DHX15: variants seen among roughly 807,000 people sequenced by gnomAD.
The protein encoded by DHX15 is DEAH-box helicase 15.
Under a neutral mutation model 94.4 loss-of-function variants are expected in DHX15, and 11 were observed. The observed-to-expected ratio is 0.12, with a 90% confidence interval of 0.07 to 0.19. DHX15 has a LOEUF of 0.19. Ranked by LOEUF, DHX15 falls within the 10% of genes least tolerant of loss-of-function variation. The probability of loss-of-function intolerance (pLI) is 1.00; values close to 1 mark genes in which losing one functional copy is unlikely to be tolerated. For synonymous variants in DHX15, 338 were observed against 329.9 expected, an observed-to-expected ratio of 1.02 and a Z score of -0.27; for missense variants, 304 against 988.5, an observed-to-expected ratio of 0.31 and a Z score of 9.29.
At chr4:24,577,906 C>T (rs148006607) in intron 1 of DHX15, among the ~76,000 whole-genome samples, 1 of 152,260 alleles carries the variant, frequency 6.6e-6, no homozygotes, top group Non-Finnish European at 1.5e-5. Context: ...TGAGACATGA[C>T]GGAGCTATGA....
chr4:24,582,794 T>A (rs1722446446), intron 1 of DHX15, among the ~76,000 whole-genome samples: 1 of 152,190 alleles, frequency 6.6e-6, no homozygotes, highest in South Asian at 2.1e-4. Flanking sequence ...TGCTTCCAGC[T>A]CTGAGTCTGT....
intron 6 of DHX15, among the ~76,000 whole-genome samples, chr4:24,543,770 A>G (rs1277151662): frequency 1.3e-5 from 2 of 152,166 alleles, no homozygotes; most frequent in Non-Finnish European, 2.9e-5. Context: ...CATGTTACAT[A>G]TAATTTTTTT....
Position 24,571,260 on chromosome 4 carries a change from CTTTTA to C in DHX15, c.508-418_508-414del, listed in dbSNP as rs201099423. Among the ~76,000 whole-genome samples, 1,305 of 152,294 alleles carry C rather than the reference CTTTTA, an allele frequency of 8.6e-3. 23 individuals carry two copies. The highest frequency in any genetic ancestry group is 0.029 in the African/African-American group (1,208 of 41,560). The stretch of plus-strand genomic sequence containing the variant: ...ACCCCCTTGTAACTCTGAAGCTGTA[CTTTTA>C]TTTAATTCAATTCAAATTTGGTTTA... On this transcript the variant is annotated intron_variant, in intron 2 of 13. Transcript: ENST00000336812.
Position 24,532,924 on chromosome 4 carries a change from A to G in DHX15, c.2040T>C (p.Phe680=), listed in dbSNP as rs751971014. The change falls in exon 12 of 14, where the codon TTT becomes TTC. Residue 680 remains phenylalanine, a synonymous_variant. Coordinates refer to ENST00000336812, the MANE Select transcript of DHX15 (RefSeq NM_001358.3). ...TATTAATATAATAGTCCCTGCTTGTAAAGTCAGTACTTCGACGAGGCAAAT... is the reference window on the plus strand; with the variant it reads ...TATTAATATAATAGTCCCTGCTTGTGAAGTCAGTACTTCGACGAGGCAAAT... ...RFNLPRRSTD[F]TSRDYYINIR... is the part of the protein sequence containing the mutation. 3.1e-6 allele frequency: 5 copies of G among 1,614,058 alleles called. No individual in the cohort carries two copies. Among genetic ancestry groups the G allele is most frequent in the Non-Finnish European group, 4.2e-6 (5 of 1,179,920 alleles).
rs1420475868 is a variant in DHX15 at position 24,527,839 on chromosome 4, C to G, written c.*85G>C. On this transcript the variant is annotated 3_prime_UTR_variant, in exon 14 of 14. Transcript: ENST00000336812. ...TTTCAAATAAAGGCCATTATCGAAC[C>G]AACGTGAAGAGCACAACTCGAACTT... 2.3e-6 allele frequency: 2 copies of G among 867,940 alleles called. No homozygotes were observed. The highest frequency in any genetic ancestry group is 3.4e-5 in the African/African-American group (2 of 59,668). 53.8% of individuals were successfully genotyped at this position (867,940 alleles called of 1,614,324 possible).
At chr4:24,541,557 A>C (rs776627519) in intron 8 of DHX15, among the ~76,000 whole-genome samples, 3 of 152,130 alleles carry the variant, frequency 2.0e-5, no homozygotes, top group Non-Finnish European at 4.4e-5. Context: ...AGAGCAAAAA[A>C]ATCACATCTA....
chr4:24,571,197 C>G (rs746380413), intron 2 of DHX15, among the ~76,000 whole-genome samples: 6 of 152,158 alleles, frequency 3.9e-5, no homozygotes, highest in Non-Finnish European at 8.8e-5. Context: ...CTTTTAAATT[C>G]TTACATAATT....
At chr4:24,576,191 T>C in intron 2 of DHX15, 52 bp downstream of exon 2, 2 of 1,451,720 alleles carry the variant, frequency 1.4e-6, no homozygotes, top group Middle Eastern at 1.8e-4. Context: ...TATGCAACAT[T>C]TGGTAAACTT....
chr4:24,580,455 T>C (rs1436915613), intron 1 of DHX15, among the ~76,000 whole-genome samples: 1 of 151,364 alleles, frequency 6.6e-6, no homozygotes, highest in East Asian at 1.9e-4. Flanking sequence ...ACTGAAGTAC[T>C]GCTAAGGAAG....
At chr4:24,558,345 T>C (rs993271403) in intron 3 of DHX15, among the ~76,000 whole-genome samples, 1 of 152,170 alleles carries the variant, frequency 6.6e-6, no homozygotes, top group African/African-American at 2.4e-5. Flanking sequence ...TGACTTTAAG[T>C]TGAAAACTTC....
At chr4:24,539,974 A>G in intron 10 of DHX15, 134 bp downstream of exon 10, 1 of 591,130 alleles carries the variant, frequency 1.7e-6, no homozygotes, top group Non-Finnish European at 2.8e-6. Flanking sequence ...CAAGGTATTT[A>G]GAAAACAAAA....
chr4:24,575,424 T>C (rs1396868964), intron 2 of DHX15, among the ~76,000 whole-genome samples: 5 of 152,218 alleles, frequency 3.3e-5, no homozygotes, highest in Admixed American at 2.6e-4. Flanking sequence ...GGTTCAGGCT[T>C]AAGTGTATAA....
chr4:24,533,953 C>T (rs1721142567), intron 11 of DHX15: 1 of 152,258 alleles, frequency 6.6e-6, no homozygotes, highest in East Asian at 1.9e-4. Context: ...CTCTTTGGTT[C>T]TAGGATTCTA....
At chr4:24,556,498 A>C in intron 3 of DHX15, 88 bp from the exon 4 acceptor site, 1 of 1,104,870 alleles carries the variant, frequency 9.1e-7, no homozygotes, top group East Asian at 2.4e-5. Flanking sequence ...CAAAGACATA[A>C]GGTAAATTAA....
chr4:24,556,213 C>A (rs933534452), intron 4 of DHX15, 38 bp downstream of exon 4: 1 of 1,589,786 alleles, frequency 6.3e-7, no homozygotes, highest in South Asian at 1.1e-5. Context: ...CCCACATACA[C>A]ACATATATAG....
chr4:24,533,823 G>C (rs1721139365), intron 11 of DHX15: 1 of 152,120 alleles, frequency 6.6e-6, no homozygotes, highest in Admixed American at 6.5e-5. Flanking sequence ...TTATTTCAGA[G>C]GACCTTTGAT....
chr4:24,548,903 A>T lies in DHX15; in HGVS notation c.1200T>A (p.Ile400=). 6.2e-7 allele frequency: 1 copy of T among 1,613,704 alleles called. No homozygotes were observed. The highest frequency in any genetic ancestry group is 1.7e-5 in the Admixed American group (1 of 59,986). Residue 400 remains isoleucine (I), a synonymous_variant, in exon 6 of 14, where the codon ATT becomes ATA. Transcript: ENST00000336812. The part of the protein sequence containing the change: ...STLPPQQQQR[I]FEPPPPKKQN... ...GTTTTTTGGGAGGTGGAGGCTCAAA[A>T]ATGCGTTGCTGCTGCTGAGGTGGAA... is the stretch of plus-strand genomic sequence containing the variant.
intron 12 of DHX15, 151 bp from the exon 13 acceptor site, chr4:24,529,921 G>A (rs1721038440): frequency 2.6e-6 from 2 of 780,762 alleles, no homozygotes; most frequent in South Asian, 3.5e-5. Flanking sequence ...GCAGAGATAA[G>A]CAAACTGCTG....
At chr4:24,584,095 C>A (rs1722546921) in intron 1 of DHX15, 7 of 556,738 alleles carry the variant, frequency 1.3e-5, no homozygotes, top group South Asian at 2.2e-5. Flanking sequence ...GCAGGCCTCT[C>A]CACCCTCCGG....
Sources: allele counts gnomAD v4.1 joint callset (sites outside exome capture counted in the v4.1 genomes callset), GRCh38; gene constraint gnomAD v4.1.1; transcripts MANE v1.5; gene names NCBI Gene and HGNC (gene_info 2026-07-23, HGNC 2026-07-21).